The following GLE1 variants were observed in gnomAD, a reference collection of about 807,000 sequenced individuals.
The protein encoded by GLE1 is mRNA export factor GLE1.
In GLE1, 78 loss-of-function variants were observed where a neutral mutation model predicts 97.3. The observed-to-expected ratio is 0.80, with a 90% CI of 0.67 to 0.97. GLE1 has a LOEUF of 0.97. Ranked by LOEUF, GLE1 falls within the 50% of genes least tolerant of loss-of-function variation. The pLI is 0.00. For missense variants in GLE1, 753 were observed against 857.5 expected (o/e 0.88, Z 1.52); for synonymous variants, 302 against 313.4 (o/e 0.96, Z 0.39).
At position 128,525,358 on chromosome 9, in the gene GLE1, A is replaced by C; in HGVS notation, c.1064A>C (p.Gln355Pro). The C allele has an allele frequency of 6.2e-7, 1 of 1,613,296 alleles. No individual in the cohort carries two copies. Among genetic ancestry groups the C allele is most frequent in the Non-Finnish European group, 8.5e-7 (1 of 1,179,608 alleles). ...QVKLQEAQMQ[Q>P]GPEAHKEPPA... Reference sequence around the variant, plus strand: ...AAGCTGCAAGAGGCACAGATGCAGCAGGGACCAGAGGCCCACAAAGAGCCC... The same window carrying C: ...AAGCTGCAAGAGGCACAGATGCAGCCGGGACCAGAGGCCCACAAAGAGCCC... Residue 355 changes from glutamine to proline, a missense_variant, in exon 7 of 16, where the codon CAG (glutamine) becomes CCG (proline). Transcript: ENST00000309971.
chr9:128,531,831 CAA>C (rs1206684667), intron 9 of GLE1, among the ~76,000 whole-genome samples: 20 of 51,856 alleles, frequency 3.9e-4, no homozygotes, highest in Non-Finnish European at 3.7e-4. Context: ...GACTCCAGCT[CAA>C]AAAAAAAAAA....
At chr9:128,539,431 TAA>T (rs962380881) in intron 13 of GLE1, among the ~76,000 whole-genome samples, 183 bp from the exon 14 acceptor site, 7 of 152,218 alleles carry the variant, frequency 4.6e-5, no homozygotes, top group African/African-American at 1.4e-4. Flanking sequence ...TATTGCCATA[TAA>T]AGAGAAATGC....
At chr9:128,512,952 G>A (rs949454557) in intron 2 of GLE1, among the ~76,000 whole-genome samples, 14 of 152,116 alleles carry the variant, frequency 9.2e-5, no homozygotes, top group African/African-American at 3.4e-4. Flanking sequence ...CCCAGCCCGA[G>A]GTTATTTTCA....
In GLE1 at chr9:128,512,134, A is replaced by G. The variant is rs11788115; in HGVS notation, c.321+3037A>G. Among the ~76,000 whole-genome samples the G allele has an allele frequency of 3.8e-3, 573 of 152,254 alleles. 2 individuals carry two copies. The highest frequency in any genetic ancestry group is 0.014 in the Middle Eastern group (4 of 294). On this transcript the variant is annotated intron_variant, in intron 2 of 15. Coordinates refer to ENST00000309971, the MANE Select transcript of GLE1 (RefSeq NM_001003722.2). ...CTGGGTGAAGATTTATTTATTTAAC[A>G]TTCCTGAATTAGCAGAACTGTAGAG...
intron 9 of GLE1, chr9:128,528,994 T>C (rs370838758): frequency 6.6e-6 from 1 of 152,226 alleles, no homozygotes; most frequent in East Asian, 1.9e-4. Flanking sequence ...GACTCACTTC[T>C]CATTGCCTGG....
Position 128,540,267 on chromosome 9 carries a change from C to G in GLE1, c.1965-8C>G. The G allele has an allele frequency of 6.3e-7, 1 of 1,580,000 alleles. No homozygotes were observed. The highest frequency in any genetic ancestry group is 8.7e-7 in the Non-Finnish European group (1 of 1,149,006). The stretch of plus-strand genomic sequence containing the variant: ...AGGTGTGATTCATGTGTCTTTCTCT[C>G]CCTGTAGAATTGAAGCTATCACAAG... On this transcript the variant is annotated splice_polypyrimidine_tract_variant and splice_region_variant and intron_variant, in intron 14 of 15. Transcript: ENST00000309971.
At position 128,536,454 on chromosome 9, in the gene GLE1, G is replaced by C; in HGVS notation, c.1746G>C (p.Gln582His). ...TCCGTCTCTACGCTGCTATCATCCA[G>C]CTCCGGTGGCCATATGGAAACCGAC... ...GMIRLYAAII[Q>H]LRWPYGNRQE... Residue 582 changes from glutamine (Q) to histidine (H), a missense_variant, in exon 12 of 16, where the codon CAG becomes CAC. Coordinates refer to ENST00000309971, the MANE Select transcript of GLE1 (RefSeq NM_001003722.2). The C allele has an allele frequency of 1.2e-6, 2 of 1,614,036 alleles. No individual in the cohort carries two copies. Among genetic ancestry groups the C allele is most frequent in the Non-Finnish European group, 1.7e-6 (2 of 1,179,904 alleles).
rs1391448700 is a variant in GLE1, at chr9:128,539,864, C to T, written c.1964+166C>T. On this transcript the variant is annotated intron_variant, in intron 14 of 15. Coordinates refer to ENST00000309971, the MANE Select transcript of GLE1 (RefSeq NM_001003722.2). ...CCTCTCGTTGATATTTGAATAAATG[C>T]TTTTGAACCTTAATGAGAGTCTGTC... 16 of 1,513,688 alleles carry T rather than the reference C, an allele frequency of 1.1e-5. No homozygotes were observed. In the African/African-American group the frequency reaches 2.1e-4, roughly 20 times the overall value. 93.8% of individuals were successfully genotyped at this position (1,513,688 alleles called of 1,614,324 possible).
In GLE1 at chr9:128,539,706, G is replaced by A; in HGVS notation, c.1964+8G>A. The A allele has an allele frequency of 6.2e-7, 1 of 1,613,722 alleles. No homozygotes were observed. The highest frequency in any genetic ancestry group is 8.5e-7 in the Non-Finnish European group (1 of 1,179,636). ...AGAGGACTACTTTCCCAGGTATCAGGCTTGTTGAGCAGACAGCAGGGGATT... is the reference window on the plus strand; with the variant it reads ...AGAGGACTACTTTCCCAGGTATCAGACTTGTTGAGCAGACAGCAGGGGATT... On this transcript the variant is annotated splice_region_variant and intron_variant, in intron 14 of 15. Transcript: ENST00000309971.
rs1847605078 is a variant in GLE1 at position 128,533,824 on chromosome 9, T to C, written c.1519T>C (p.Ser507Pro). The C allele has an allele frequency of 6.8e-6, 11 of 1,613,996 alleles. No individual in the cohort carries two copies. Among genetic ancestry groups the C allele is most frequent in the Non-Finnish European group, 9.3e-6 (11 of 1,179,840 alleles). Residue 507 changes from serine to proline, a missense_variant, in exon 11 of 16, where the codon TCC becomes CCC. Physicochemically the swap from Ser to Pro is moderately conservative, Grantham distance 74. Transcript: ENST00000309971. ...AGCATTCCCCATTGCAGTTGTGGCA[T>C]CCGGGATCTGGGAGCTCCACCCCAG... ...EAAFPIAVVA[S>P]GIWELHPRVG... is the part of the protein sequence containing the mutation.
rs1259228270 is a variant in GLE1, at chr9:128,527,500, A to C, written c.1287A>C (p.Pro429=). ...ACCTCCAGAAGGCTGCTACCATCCC[A>C]GTGAGCCAAATCTCTACCATTGCAG... The part of the protein sequence containing the change: ...KMDLQKAATI[P]VSQISTIAGS... Residue 429 remains proline, a synonymous_variant, in exon 9 of 16, where the codon CCA becomes CCC. Transcript: ENST00000309971. 2 of 1,612,394 alleles carry C rather than the reference A, an allele frequency of 1.2e-6. No homozygotes were observed. Among genetic ancestry groups the C allele is most frequent in the Non-Finnish European group, 1.7e-6 (2 of 1,178,446 alleles).
intron 9 of GLE1, among the ~76,000 whole-genome samples, chr9:128,530,403 T>C (rs1256140252): frequency 3.3e-5 from 5 of 152,224 alleles, no homozygotes; most frequent in Non-Finnish European, 5.9e-5. Context: ...GTCATCTTTA[T>C]GACTGCTGCC....
intron 9 of GLE1, chr9:128,532,601 C>A (rs550035791): frequency 8.7e-6 from 3 of 345,328 alleles, no homozygotes; most frequent in South Asian, 2.3e-4. Context: ...GAGCTAGAAA[C>A]TTTAGTTCTT....
chr9:128,512,230 G>C (rs1272488056), intron 2 of GLE1, among the ~76,000 whole-genome samples: 2 of 152,190 alleles, frequency 1.3e-5, no homozygotes, highest in African/African-American at 4.8e-5. Context: ...GTGACATGGG[G>C]TGGTTGGTGG....
chr9:128,516,427 C>G (rs1033299660), intron 3 of GLE1, among the ~76,000 whole-genome samples: 6 of 152,222 alleles, frequency 3.9e-5, no homozygotes, highest in African/African-American at 1.4e-4. Flanking sequence ...TCATGCTATT[C>G]TCTTGCCTCA....
intron 6 of GLE1, among the ~76,000 whole-genome samples, chr9:128,524,639 G>A (rs997197325): frequency 2.2e-5 from 3 of 139,138 alleles, no homozygotes; most frequent in African/African-American, 8.0e-5. Context: ...TCAACCTCCG[G>A]CTTCCAGGTT....
At position 128,525,418 on chromosome 9, in the gene GLE1, A is replaced by T; in HGVS notation, c.1124A>T (p.Asn375Ile). The change falls in exon 7 of 16, where the codon AAT becomes ATT. Residue 375 changes from asparagine to isoleucine, a missense_variant. Transcript: ENST00000309971. ...AGCCAGGGCCCAGGAGGGAAACAGA[A>T]TGAAGGTGGGTTTCAGTATGGATGT... ...APSQGPGGKQ[N>I]EDLQVKVQDI... The T allele has an allele frequency of 6.3e-7, 1 of 1,584,658 alleles. No homozygotes were observed. Among genetic ancestry groups the T allele is most frequent in the South Asian group, 1.1e-5 (1 of 89,000 alleles).
In GLE1 at chr9:128,536,363, G is replaced by C. The variant is rs764403331; in HGVS notation, c.1655G>C (p.Gly552Ala). 1 of 1,613,512 alleles carries C rather than the reference G, an allele frequency of 6.2e-7. No individual in the cohort carries two copies. The highest frequency in any genetic ancestry group is 8.5e-7 in the Non-Finnish European group (1 of 1,179,648). ...MALEDYQRML[G>A]YQVKDSKVEQ... ...TTTTTCTTCCCGTATAGGATGCTTG[G>C]TTACCAAGTAAAGGATTCCAAAGTG... Residue 552 changes from glycine (G) to alanine (A), a missense_variant, in exon 12 of 16, where the codon GGT becomes GCT. Physicochemically the swap from Gly to Ala is moderately conservative, Grantham distance 60. Coordinates refer to ENST00000309971, the MANE Select transcript of GLE1 (RefSeq NM_001003722.2).
chr9:128,519,041 A>C (rs1054076363), intron 3 of GLE1, among the ~76,000 whole-genome samples: 3 of 152,094 alleles, frequency 2.0e-5, no homozygotes, highest in African/African-American at 7.2e-5. Flanking sequence ...TCTAAACATA[A>C]ATTGTAAAGA....
Sources: gnomAD v4.1 joint callset for allele counts (sites outside exome capture counted in the v4.1 genomes callset) on GRCh38, gnomAD v4.1.1 for gene constraint, MANE v1.5 for transcripts, NCBI Gene and HGNC (gene_info 2026-07-23, HGNC 2026-07-21) for gene names.